BBX: variants seen among roughly 807,000 people sequenced by gnomAD.
The protein encoded by BBX is BBX high mobility group box domain containing.
Under a neutral mutation model 100.2 loss-of-function variants are expected in BBX, and 30 were observed. The ratio of observed to expected loss-of-function variants is 0.30; its 90% confidence interval spans 0.22 to 0.41. BBX has a LOEUF of 0.41. BBX is among the 10% of genes least tolerant of loss of function. BBX has a pLI of 1.00. For missense variants in BBX, 1,023 were observed against 1,129.8 expected, an observed-to-expected ratio of 0.91 and a Z score of 1.35; for synonymous variants, 376 against 388.1, an observed-to-expected ratio of 0.97 and a Z score of 0.37.
chr3:107,533,403 A>AT (rs1344316491), intron 2 of BBX, among the ~76,000 whole-genome samples: 1 of 152,200 alleles, frequency 6.6e-6, no homozygotes, highest in Non-Finnish European at 1.5e-5. Context: ...ATGATGAAAG[A>AT]TTTTTTAACA....
chr3:107,691,672 G>A (rs547991567), intron 3 of BBX, among the ~76,000 whole-genome samples: 56 of 152,160 alleles, frequency 3.7e-4, no homozygotes, highest in Non-Finnish European at 6.8e-4. Flanking sequence ...TGTGCAGGCT[G>A]ATATAAGATG....
chr3:107,649,043 C>CA (rs1273793041), intron 3 of BBX, among the ~76,000 whole-genome samples: 1 of 152,194 alleles, frequency 6.6e-6, no homozygotes, highest in African/African-American at 2.4e-5. Context: ...GCCTCACAAT[C>CA]ATGGCAGAAG....
intron 16 of BBX, 144 bp downstream of exon 16, chr3:107,798,864 A>T (rs1184120011): frequency 2.1e-6 from 2 of 951,848 alleles, no homozygotes; most frequent in South Asian, 1.8e-5. Context: ...AAACAAAAAA[A>T]ACCAGGCCAG....
intron 2 of BBX, among the ~76,000 whole-genome samples, chr3:107,564,861 G>A (rs981189318): frequency 3.3e-5 from 5 of 151,986 alleles, no homozygotes; most frequent in African/African-American, 4.8e-5. Flanking sequence ...ATTTAGAATC[G>A]CCTCTTGATT....
At chr3:107,789,932 A>G in intron 14 of BBX, 56 bp downstream of exon 14, 1 of 1,350,268 alleles carries the variant, frequency 7.4e-7, no homozygotes, top group Non-Finnish European at 1.0e-6. Context: ...ATTGTGATTC[A>G]TCTTTGAGTA....
At chr3:107,736,737 A>T (rs1456977004) in intron 7 of BBX, among the ~76,000 whole-genome samples, 1 of 152,140 alleles carries the variant, frequency 6.6e-6, no homozygotes, top group Non-Finnish European at 1.5e-5. Flanking sequence ...GTTATTCACC[A>T]TGTCATGTAT....
At chr3:107,615,983 A>T (rs2107671153) in intron 2 of BBX, among the ~76,000 whole-genome samples, 1 of 125,878 alleles carries the variant, frequency 7.9e-6, no homozygotes, top group Admixed American at 8.6e-5. Flanking sequence ...AGAACCTAGG[A>T]GAAGCACACG....
At chr3:107,721,297 A>G (rs988285854) in intron 5 of BBX, among the ~76,000 whole-genome samples, 1 of 152,002 alleles carries the variant, frequency 6.6e-6, no homozygotes, top group Non-Finnish European at 1.5e-5. Flanking sequence ...TTTTGTCTAT[A>G]TAGTAATTCT....
intron 7 of BBX, among the ~76,000 whole-genome samples, chr3:107,733,301 C>T (rs985195327): frequency 1.3e-5 from 2 of 152,146 alleles, no homozygotes. Flanking sequence ...GTTTGCATGA[C>T]TCTGTCATGG....
intron 2 of BBX, among the ~76,000 whole-genome samples, chr3:107,587,083 C>G (rs1469180009): frequency 6.6e-6 from 1 of 152,066 alleles, no homozygotes; most frequent in East Asian, 1.9e-4. Context: ...GTTTTGCCAT[C>G]TTATTTTGCT....
intron 2 of BBX, among the ~76,000 whole-genome samples, chr3:107,612,418 C>T (rs962282881): frequency 6.6e-6 from 1 of 152,070 alleles, no homozygotes; most frequent in Non-Finnish European, 1.5e-5. Context: ...GTGTTGTGAT[C>T]CATTTTTTTG....
chr3:107,598,729 C>A (rs1318480451), intron 2 of BBX, among the ~76,000 whole-genome samples: 4 of 152,292 alleles, frequency 2.6e-5, no homozygotes, highest in Middle Eastern at 3.4e-3. Flanking sequence ...AGTATTATAA[C>A]CTTTGCTACA....
At chr3:107,771,897 A>G (rs909842949) in intron 10 of BBX, among the ~76,000 whole-genome samples, 3 of 152,172 alleles carry the variant, frequency 2.0e-5, no homozygotes, top group African/African-American at 7.2e-5. Context: ...CAGATATCTG[A>G]ACAGAGTTTG....
At chr3:107,554,918 A>G (rs562328643) in intron 2 of BBX, among the ~76,000 whole-genome samples, 25 of 152,028 alleles carry the variant, frequency 1.6e-4, no homozygotes, top group Admixed American at 5.9e-4. Context: ...AAAATACAAA[A>G]TTAGCCGGGC....
intron 3 of BBX, among the ~76,000 whole-genome samples, chr3:107,707,609 A>G (rs1466257665): frequency 3.3e-5 from 5 of 152,304 alleles, no homozygotes; most frequent in African/African-American, 7.2e-5. Flanking sequence ...GAGTCTTTCT[A>G]ATGTATTTCT....
chr3:107,704,364 A>G (rs1359476626), intron 3 of BBX, among the ~76,000 whole-genome samples: 2 of 152,204 alleles, frequency 1.3e-5, no homozygotes, highest in Non-Finnish European at 2.9e-5. Context: ...CTGAGACCAA[A>G]AAGGTAGTGA....
chr3:107,688,899 G>A (rs1408255131), intron 3 of BBX, among the ~76,000 whole-genome samples: 4 of 152,166 alleles, frequency 2.6e-5, no homozygotes, highest in Non-Finnish European at 5.9e-5. Context: ...GGCTGGGAGA[G>A]CTCAGCAAGC....
intron 5 of BBX, 49 bp downstream of exon 5, chr3:107,716,898 G>C: frequency 6.3e-7 from 1 of 1,588,978 alleles, no homozygotes; most frequent in Non-Finnish European, 8.6e-7. Context: ...AACCAGTCCT[G>C]AAACTCCCAG....
chr3:107,777,825 G>A (rs891768056), intron 12 of BBX, among the ~76,000 whole-genome samples: 3 of 152,014 alleles, frequency 2.0e-5, no homozygotes, highest in African/African-American at 7.2e-5. Context: ...CTTTTTGTTT[G>A]TGTATGTTTT....
Sources: allele counts gnomAD v4.1 joint callset (sites outside exome capture counted in the v4.1 genomes callset), GRCh38; gene constraint gnomAD v4.1.1; transcripts MANE v1.5; gene names NCBI Gene and HGNC (gene_info 2026-07-23, HGNC 2026-07-21).